ERMP1: variants seen among roughly 807,000 people sequenced by gnomAD.
ERMP1 encodes the protein Felix-ina.
Under a neutral mutation model 92.0 loss-of-function variants are expected in ERMP1, and 86 were observed. That is an observed-to-expected ratio of 0.93 (90% confidence interval 0.79 to 1.12). The LOEUF (loss-of-function observed/expected upper bound fraction) is 1.12. ERMP1 is among the 50% of genes most tolerant of loss of function. ERMP1 has a pLI of 0.00. For missense variants in ERMP1, 1,342 were observed against 1,116.3 expected, an observed-to-expected ratio of 1.20 and a Z score of -2.88; for synonymous variants, 530 against 412.8, an observed-to-expected ratio of 1.28 and a Z score of -3.44.
chr9:5,861,325 G>A (rs1014163529), intron 5 of ERMP1, among the ~76,000 whole-genome samples: 16 of 151,036 alleles, frequency 1.1e-4, no homozygotes, highest in African/African-American at 3.9e-4. Flanking sequence ...GCTGAATTTG[G>A]GTGAAAAAAA....
chr9:5,792,906 G>A (rs888059097), intron 13 of ERMP1, among the ~76,000 whole-genome samples: 2 of 152,060 alleles, frequency 1.3e-5, no homozygotes, highest in African/African-American at 4.8e-5. Flanking sequence ...ATACAGGTCA[G>A]AAACTCAAGA....
intron 10 of ERMP1, among the ~76,000 whole-genome samples, chr9:5,804,135 A>G (rs1828779457): frequency 6.6e-6 from 1 of 152,154 alleles, no homozygotes; most frequent in East Asian, 1.9e-4. Context: ...GAAAAGAACT[A>G]TAATAAAATC....
At chr9:5,824,099 G>A in intron 3 of ERMP1, 98 bp from the exon 4 acceptor site, 1 of 859,202 alleles carries the variant, frequency 1.2e-6, no homozygotes, top group South Asian at 1.6e-5. Context: ...GATGAGGTAA[G>A]GAATATGAAA....
At chr9:5,811,749 G>C (rs1199304623) in intron 6 of ERMP1, among the ~76,000 whole-genome samples, 1 of 152,160 alleles carries the variant, frequency 6.6e-6, no homozygotes, top group African/African-American at 2.4e-5. Context: ...TGAACCAAGA[G>C]ACAAAGGCCT....
chr9:5,858,383 C>T (rs112587555), intron 6 of ERMP1, among the ~76,000 whole-genome samples: 2,832 of 152,272 alleles, frequency 0.019, 83 homozygotes, highest in East Asian at 0.13. Context: ...ACAGACCCTA[C>T]GAGGACAAGC....
At chr9:5,825,306 C>CA (rs1829691357) in intron 2 of ERMP1, 87 bp from the exon 3 acceptor site, 8 of 1,315,056 alleles carry the variant, frequency 6.1e-6, no homozygotes, top group Non-Finnish European at 3.1e-6. Context: ...GCTTTCTCCT[C>CA]AGAGAAGCAT....
intron 10 of ERMP1, among the ~76,000 whole-genome samples, chr9:5,804,238 C>G (rs1218731972): frequency 6.6e-6 from 1 of 152,148 alleles, no homozygotes; most frequent in East Asian, 1.9e-4. Context: ...GGAATTCCCA[C>G]CAAAAGAGAC....
At chr9:5,855,097 G>C (rs1429498950) in intron 6 of ERMP1, among the ~76,000 whole-genome samples, 1 of 152,128 alleles carries the variant, frequency 6.6e-6, no homozygotes, top group Admixed American at 6.5e-5. Context: ...AGAAAAATTT[G>C]AGAGAGATAA....
intron 6 of ERMP1, among the ~76,000 whole-genome samples, chr9:5,858,406 T>C (rs1830410714): frequency 6.6e-6 from 1 of 152,208 alleles, no homozygotes; most frequent in Non-Finnish European, 1.5e-5. Context: ...GACTTGGGCA[T>C]GCAAACAAGA....
At position 5,797,858 on chromosome 9, in the gene ERMP1, T is replaced by C; in HGVS notation, c.2345A>G (p.Gln782Arg). The change falls in exon 13 of 15, where the codon CAG (glutamine) becomes CGG (arginine). Residue 782 changes from glutamine (Q) to arginine (R), a missense_variant. Physicochemically the swap from Gln to Arg is conservative, Grantham distance 43. Coordinates refer to ENST00000339450, the MANE Select transcript of ERMP1 (RefSeq NM_024896.3). Reference protein sequence around the residue: ...PPHFRLISKEQTPWDSIKLTF... With the variant: ...PPHFRLISKERTPWDSIKLTF... The stretch of plus-strand genomic sequence containing the variant: ...CAATTTTATAGAATCCCAAGGTGTC[T>C]GTTCTTTGGATATGAGTCGGAAATG... 1 of 1,613,568 alleles carries C rather than the reference T, an allele frequency of 6.2e-7. No individual in the cohort carries two copies.
rs1307163393 is a variant in ERMP1 at position 5,810,896 on chromosome 9, T to C, written c.1327+215A>G. Among the ~76,000 whole-genome samples, 4 of 152,218 alleles carry C rather than the reference T, an allele frequency of 2.6e-5. No individual in the cohort carries two copies. The East Asian group carries it at 7.7e-4, about 29-fold the overall frequency. ...TTCAATAGTTTCTATGTGGTACTTT[T>C]ATGGAGTGCCTAAATATATAAAAAT... is the stretch of plus-strand genomic sequence containing the variant. On this transcript the variant is annotated intron_variant, in intron 7 of 14. Coordinates refer to ENST00000339450, the MANE Select transcript of ERMP1 (RefSeq NM_024896.3).
intron 13 of ERMP1, among the ~76,000 whole-genome samples, chr9:5,795,384 C>T (rs1002265333): frequency 4.6e-5 from 7 of 152,056 alleles, no homozygotes; most frequent in African/African-American, 1.7e-4. Flanking sequence ...ACTAGAAGTC[C>T]CAGATAATGT....
chr9:5,811,374 G>T (rs377390133), intron 6 of ERMP1, 51 bp from the exon 7 acceptor site: 1 of 1,401,614 alleles, frequency 7.1e-7, no homozygotes, highest in Non-Finnish European at 9.9e-7. Context: ...AGATAAAAAG[G>T]CTGAATAAAC....
chr9:5,836,022 G>C (rs1830092580), upstream of ERMP1, among the ~76,000 whole-genome samples: 1 of 152,220 alleles, frequency 6.6e-6, no homozygotes, highest in African/African-American at 2.4e-5. Context: ...ATGGGGTTGA[G>C]TCAACTCATC....
upstream of ERMP1, among the ~76,000 whole-genome samples, chr9:5,837,284 A>G (rs1434552753): frequency 6.6e-6 from 1 of 152,082 alleles, no homozygotes; most frequent in African/African-American, 2.4e-5. Context: ...CACCTGGCCA[A>G]TTGGTTCTTT....
At chr9:5,840,759 A>G (rs899843296) in intron 6 of ERMP1, among the ~76,000 whole-genome samples, 8 of 152,234 alleles carry the variant, frequency 5.3e-5, no homozygotes, top group African/African-American at 1.7e-4. Flanking sequence ...CTGAGGCCCT[A>G]GATCAGGAGA....
At chr9:5,858,235 G>A (rs1443798080) in intron 6 of ERMP1, among the ~76,000 whole-genome samples, 1 of 151,892 alleles carries the variant, frequency 6.6e-6, no homozygotes, top group East Asian at 2.0e-4. Context: ...CCCAGATTGG[G>A]GAAGTAAAAA....
intron 2 of ERMP1, among the ~76,000 whole-genome samples, chr9:5,828,999 T>C (rs77372380): frequency 0.012 from 1,793 of 151,846 alleles, 41 homozygotes; most frequent in African/African-American, 0.041. Context: ...ATCTCAGAAA[T>C]TTGGGAGACT....
intron 8 of ERMP1, among the ~76,000 whole-genome samples, chr9:5,809,083 T>G (rs1358317131): frequency 1.3e-5 from 2 of 151,582 alleles, no homozygotes; most frequent in African/African-American, 2.4e-5. Context: ...GTGCAGTGGC[T>G]CAATCTCAGC....
Sources: gnomAD v4.1 joint callset for allele counts (sites outside exome capture counted in the v4.1 genomes callset) on GRCh38, gnomAD v4.1.1 for gene constraint, MANE v1.5 for transcripts, NCBI Gene and HGNC (gene_info 2026-07-23, HGNC 2026-07-21) for gene names.